The following PCDHA1 variants were observed in gnomAD, a reference collection of about 807,000 sequenced individuals.
PCDHA1 encodes protocadherin alpha 1, also known as protocadherin alpha-1.
A neutral mutation model predicts 61.3 loss-of-function variants in PCDHA1; 42 were observed. The observed-to-expected ratio is 0.69, with a 90% confidence interval of 0.54 to 0.89. The LOEUF (loss-of-function observed/expected upper bound fraction) is 0.89, where lower values mean the gene tolerates loss of function less well. Among genes scored for constraint, PCDHA1 ranks in the 40% least tolerant of loss-of-function variants. PCDHA1 has a pLI of 0.00. For synonymous variants in PCDHA1, 610 were observed against 553.8 expected, an observed-to-expected ratio of 1.10 and a Z score of -1.43; for missense variants, 1,256 against 1,235.3, an observed-to-expected ratio of 1.02 and a Z score of -0.25.
At chr5:140,941,222 T>TCTTC (rs2092907237) in intron 1 of PCDHA1, among the ~76,000 whole-genome samples, 2 of 116,858 alleles carry the variant, frequency 1.7e-5, no homozygotes, top group Non-Finnish European at 3.8e-5. Flanking sequence ...TTCCTTTCTT[T>TCTTC]CTTTCTTTCT....
intron 3 of PCDHA1, among the ~76,000 whole-genome samples, chr5:140,993,609 T>C (rs1554253871): frequency 6.6e-6 from 1 of 152,078 alleles, no homozygotes; most frequent in African/African-American, 2.4e-5. Flanking sequence ...GAGAATTTTG[T>C]TGGGACCCTC....
chr5:140,886,815 A>G (rs1251237856), intron 1 of PCDHA1, among the ~76,000 whole-genome samples: 1 of 149,622 alleles, frequency 6.7e-6, no homozygotes, highest in African/African-American at 2.5e-5. Context: ...TGACAGAGCA[A>G]GACTTCGTCT....
intron 1 of PCDHA1, among the ~76,000 whole-genome samples, chr5:140,932,585 T>C (rs1275216145): frequency 6.6e-6 from 1 of 151,944 alleles, no homozygotes; most frequent in Non-Finnish European, 1.5e-5. Flanking sequence ...GGTAATTAGA[T>C]GTTTTGTATA....
intron 1 of PCDHA1, among the ~76,000 whole-genome samples, chr5:140,897,960 T>C (rs2066423336): frequency 6.6e-6 from 1 of 152,276 alleles, no homozygotes; most frequent in South Asian, 2.1e-4. Flanking sequence ...CATTTTTTCA[T>C]GTGTCTTTTG....
chr5:140,985,063 G>C (rs2097134230), intron 3 of PCDHA1, among the ~76,000 whole-genome samples: 1 of 151,948 alleles, frequency 6.6e-6, no homozygotes, highest in African/African-American at 2.4e-5. Flanking sequence ...TCAGCCTCCT[G>C]AGTAGCTGAG....
chr5:140,822,359 T>G (rs2150115759), intron 1 of PCDHA1: 1 of 1,614,160 alleles, frequency 6.2e-7, no homozygotes, highest in Non-Finnish European at 8.5e-7. Flanking sequence ...GAGCTGGTTT[T>G]GAGGAAATCC....
In PCDHA1 at chr5:140,850,310, G is replaced by A. The variant is rs2150478968; in HGVS notation, c.2394+61626G>A. The stretch of plus-strand genomic sequence containing the variant: ...TGGACGCCGACTCGGGCTACAACGC[G>A]TGGCTTTCATACGAGCTGCAGCCAG... On this transcript the variant is annotated intron_variant, in intron 1 of 3. Transcript: ENST00000504120. The A allele has an allele frequency of 1.0e-5, 16 of 1,597,212 alleles. 1 individual carries two copies. Among genetic ancestry groups the A allele is most frequent in the Non-Finnish European group, 1.4e-5 (16 of 1,167,678 alleles).
At chr5:140,927,688 G>C in intron 1 of PCDHA1, 1 of 1,614,062 alleles carries the variant, frequency 6.2e-7, no homozygotes, top group Non-Finnish European at 8.5e-7. Context: ...AGGGTCCAAT[G>C]GGGAAGTCCA....
At chr5:140,821,418 G>C (rs1347412818) in intron 1 of PCDHA1, 2 of 182,750 alleles carry the variant, frequency 1.1e-5, no homozygotes, top group Middle Eastern at 2.5e-3. Flanking sequence ...AGAGTTTAAT[G>C]ATATATTTTG....
At chr5:140,880,068 A>G (rs2058226577) in intron 1 of PCDHA1, among the ~76,000 whole-genome samples, 1 of 152,252 alleles carries the variant, frequency 6.6e-6, no homozygotes, top group South Asian at 2.1e-4. Flanking sequence ...TTTGGGGACC[A>G]CAATTCAACC....
intron 1 of PCDHA1, chr5:140,927,229 C>G (rs781833160): frequency 1.2e-6 from 2 of 1,614,008 alleles, no homozygotes; most frequent in African/African-American, 1.3e-5. Context: ...GATTCGGATT[C>G]ACGTCCTGGA....
chr5:140,935,952 G>C (rs1554210758), intron 1 of PCDHA1, among the ~76,000 whole-genome samples: 3 of 148,522 alleles, frequency 2.0e-5, no homozygotes, highest in Non-Finnish European at 4.4e-5. Flanking sequence ...GAGTAAAGTG[G>C]TACAATCTTG....
chr5:140,807,396 G>A lies in PCDHA1; in HGVS notation c.2394+18712G>A, dbSNP rs782005139. The A allele has an allele frequency of 1.0e-5, 15 of 1,453,308 alleles. 3 individuals carry two copies. Among genetic ancestry groups the A allele is most frequent in the South Asian group, 2.4e-5 (2 of 84,820 alleles). The allele number at this position is 1,453,308 out of a possible 1,614,324, so 90.0% of individuals were successfully genotyped here. On this transcript the variant is annotated intron_variant, in intron 1 of 3. Coordinates refer to ENST00000504120, the MANE Select transcript of PCDHA1 (RefSeq NM_018900.4). ...CGCCTGTTCCGGGTGGCGTCCAAGG[G>A]CCGCGGAGGCCTTCTGGAGGTAAAT... is the stretch of plus-strand genomic sequence containing the variant.
chr5:140,939,269 A>G (rs1167199684), intron 1 of PCDHA1, among the ~76,000 whole-genome samples: 1 of 152,070 alleles, frequency 6.6e-6, no homozygotes, highest in Non-Finnish European at 1.5e-5. Flanking sequence ...CTTTTATGAG[A>G]GCTGTGCCCT....
At chr5:140,906,278 C>A (rs546102354) in intron 1 of PCDHA1, among the ~76,000 whole-genome samples, 1 of 152,152 alleles carries the variant, frequency 6.6e-6, no homozygotes, top group Admixed American at 6.6e-5. Flanking sequence ...AGATAATCTT[C>A]AAATTAAGAC....
chr5:140,836,438 C>T (rs2150261079), intron 1 of PCDHA1: 1 of 1,613,840 alleles, frequency 6.2e-7, no homozygotes, highest in African/African-American at 1.3e-5. Context: ...CATCGTTGGG[C>T]ATTGCAGGCC....
At chr5:140,956,098 GA>G (rs2095256801) in intron 1 of PCDHA1, among the ~76,000 whole-genome samples, 1 of 152,160 alleles carries the variant, frequency 6.6e-6, no homozygotes, top group African/African-American at 2.4e-5. Context: ...TGCAAACAAA[GA>G]TAATTTGATT....
chr5:140,990,869 G>A (rs2097420316), intron 3 of PCDHA1, among the ~76,000 whole-genome samples: 3 of 152,192 alleles, frequency 2.0e-5, no homozygotes, highest in African/African-American at 4.8e-5. Context: ...TGTATTTTAA[G>A]TGTATGTTCC....
At chr5:140,809,152 C>A (rs1554125030) in intron 1 of PCDHA1, 1 of 1,613,942 alleles carries the variant, frequency 6.2e-7, no homozygotes, top group East Asian at 2.2e-5. Context: ...AGGACCACGG[C>A]GAGCCCGCGC....
Sources: allele counts gnomAD v4.1 joint callset (sites outside exome capture counted in the v4.1 genomes callset), GRCh38; gene constraint gnomAD v4.1.1; transcripts MANE v1.5; gene names NCBI Gene and HGNC (gene_info 2026-07-23, HGNC 2026-07-21).